Variants in HSPA12A observed in about 807,000 individuals in gnomAD.
HSPA12A encodes the protein heat shock protein family A (Hsp70) member 12A.
In HSPA12A, 28 loss-of-function variants were observed where a neutral mutation model predicts 69.2. The ratio of observed to expected loss-of-function variants is 0.40; its 90% CI spans 0.30 to 0.55. HSPA12A has a LOEUF of 0.55. Among genes scored for constraint, HSPA12A ranks in the 20% least tolerant of loss-of-function variants. The pLI, the probability that HSPA12A is intolerant of heterozygous loss-of-function variation, is 0.38. For synonymous variants in HSPA12A, 345 were observed against 370.5 expected, an observed-to-expected ratio of 0.93 and a Z score of 0.79; for missense variants, 686 against 900.7, an observed-to-expected ratio of 0.76 and a Z score of 3.05.
intron 10 of HSPA12A, 55 bp downstream of exon 10, chr10:116,679,448 C>G: frequency 6.3e-7 from 1 of 1,597,128 alleles, no homozygotes; most frequent in Non-Finnish European, 8.5e-7. Flanking sequence ...TCTCTCCCAT[C>G]AGCACGATCC....
rs556809189 is a variant in HSPA12A at position 116,774,367 on chromosome 10, C to A, written c.91+60568G>T. On this transcript the variant is annotated intron_variant, in intron 2 of 12. Transcript: ENST00000635765. ...CACTCTGCGAGGGTCCCAGGTGATA[C>A]TGCACCAATGCCTAGTTCAGTCCCT... is the stretch of plus-strand genomic sequence containing the variant. Among the ~76,000 whole-genome samples, 4 of 152,310 alleles carry A rather than the reference C, an allele frequency of 2.6e-5. 1 individual carries two copies. The South Asian group carries it at 8.3e-4, about 32-fold the overall frequency.
At chr10:116,815,084 C>T (rs1845270798) in intron 2 of HSPA12A, among the ~76,000 whole-genome samples, 1 of 141,620 alleles carries the variant, frequency 7.1e-6, no homozygotes, top group African/African-American at 2.6e-5. Flanking sequence ...CACGACTTTA[C>T]ATTTATCCCT....
At chr10:116,805,302 A>C (rs537279453) in intron 2 of HSPA12A, among the ~76,000 whole-genome samples, 223 of 152,110 alleles carry the variant, frequency 1.5e-3, no homozygotes, top group African/African-American at 5.1e-3. Flanking sequence ...GGCGACAGAG[A>C]GAGACTCCAT....
intron 2 of HSPA12A, chr10:116,751,229 G>T: frequency 4.5e-6 from 1 of 224,306 alleles, no homozygotes. Flanking sequence ...AGGAAGGTGT[G>T]CTTCCTCAGA....
intron 6 of HSPA12A, among the ~76,000 whole-genome samples, 178 bp from the exon 7 acceptor site, chr10:116,684,140 A>G (rs1399417677): frequency 2.0e-5 from 3 of 152,322 alleles, no homozygotes; most frequent in Admixed American, 1.3e-4. Context: ...CTGGGCCCCA[A>G]GCCAGATACC....
At chr10:116,708,754 AATACACAAAAGAT>A (rs1850336054) in intron 1 of HSPA12A, among the ~76,000 whole-genome samples, 1 of 152,222 alleles carries the variant, frequency 6.6e-6, no homozygotes, top group Admixed American at 6.5e-5. Context: ...CTCCAAAGAA[AATACACAAAAGAT>A]ATATCAACAA....
At chr10:116,770,182 G>A (rs1247880018) in intron 2 of HSPA12A, among the ~76,000 whole-genome samples, 2 of 152,160 alleles carry the variant, frequency 1.3e-5, no homozygotes, top group Admixed American at 6.5e-5. Flanking sequence ...CAGAGAGGGC[G>A]GTGACTTGCC....
At chr10:116,829,773 A>G (rs1845578849) in intron 2 of HSPA12A, 1 of 152,250 alleles carries the variant, frequency 6.6e-6, no homozygotes, top group Non-Finnish European at 1.5e-5. Context: ...AAGCAACAGC[A>G]TAACAGAATC....
chr10:116,801,757 G>A (rs1010894483), intron 2 of HSPA12A, among the ~76,000 whole-genome samples: 3 of 151,758 alleles, frequency 2.0e-5, no homozygotes, highest in South Asian at 2.1e-4. Context: ...AAAAAAAAGC[G>A]CATGTAAAAT....
chr10:116,768,353 G>C (rs571180653), intron 2 of HSPA12A, among the ~76,000 whole-genome samples: 30 of 152,284 alleles, frequency 2.0e-4, no homozygotes, highest in African/African-American at 7.2e-4. Context: ...TGTGGGGAGG[G>C]GGAATAGGAG....
At chr10:116,682,704 A>G (rs1284669234) in intron 7 of HSPA12A, among the ~76,000 whole-genome samples, 1 of 151,754 alleles carries the variant, frequency 6.6e-6, no homozygotes, top group African/African-American at 2.4e-5. Flanking sequence ...CAGTTCCCAC[A>G]ATTTTTTTTT....
chr10:116,850,644 G>T (rs772089485), upstream of HSPA12A, among the ~76,000 whole-genome samples: 5 of 151,928 alleles, frequency 3.3e-5, no homozygotes, highest in African/African-American at 1.2e-4. Flanking sequence ...AAACCACGTC[G>T]TATTGAGGCA....
upstream of HSPA12A, among the ~76,000 whole-genome samples, chr10:116,744,074 C>T (rs1554887610): frequency 6.6e-6 from 1 of 152,192 alleles, no homozygotes; most frequent in African/African-American, 2.4e-5. Context: ...CCACAGCTCC[C>T]CCGCCCTCCT....
Position 116,805,235 on chromosome 10 carries a change from G to C in HSPA12A, c.91+29700C>G, listed in dbSNP as rs182005095. Among the ~76,000 whole-genome samples, 655 of 152,278 alleles carry C rather than the reference G, an allele frequency of 4.3e-3. 4 individuals are homozygous for C. The highest frequency in any genetic ancestry group is 0.015 in the African/African-American group (630 of 41,556). ...GGAGGCTGAGGCAGGAGAATGGCGTGAACCCGGGAGGCGGAGCTTGCAGTG... is the reference window on the plus strand; with the variant it reads ...GGAGGCTGAGGCAGGAGAATGGCGTCAACCCGGGAGGCGGAGCTTGCAGTG... On this transcript the variant is annotated intron_variant, in intron 2 of 12. Transcript: ENST00000635765.
intron 2 of HSPA12A, among the ~76,000 whole-genome samples, chr10:116,773,963 G>C (rs1554890786): frequency 6.6e-6 from 1 of 152,010 alleles, no homozygotes; most frequent in African/African-American, 2.4e-5. Flanking sequence ...CTTTGGTCTT[G>C]AGTGGCATTC....
intron 2 of HSPA12A, among the ~76,000 whole-genome samples, chr10:116,807,459 A>T (rs944648060): frequency 2.4e-4 from 36 of 152,054 alleles, no homozygotes; most frequent in African/African-American, 6.5e-4. Flanking sequence ...CCGTATCCAA[A>T]CATCCTCGAG....
At chr10:116,734,398 C>T (rs1485604426) in intron 1 of HSPA12A, among the ~76,000 whole-genome samples, 3 of 148,178 alleles carry the variant, frequency 2.0e-5, no homozygotes, top group African/African-American at 7.5e-5. Context: ...TGCAGTGAGC[C>T]GAGATCACAC....
At chr10:116,697,211 C>T (rs1385396784) in intron 5 of HSPA12A, among the ~76,000 whole-genome samples, 1 of 152,214 alleles carries the variant, frequency 6.6e-6, no homozygotes, top group Non-Finnish European at 1.5e-5. Flanking sequence ...TCACACAATA[C>T]CAAATGCTTC....
intron 1 of HSPA12A, 92 bp downstream of exon 1, chr10:116,742,338 G>A: frequency 7.8e-7 from 1 of 1,287,860 alleles, no homozygotes; most frequent in Admixed American, 3.8e-5. Flanking sequence ...CTTTTCCACG[G>A]CGCGCGAGGG....
Sources: allele counts gnomAD v4.1 joint callset (sites outside exome capture counted in the v4.1 genomes callset), GRCh38; gene constraint gnomAD v4.1.1; transcripts MANE v1.5; gene names NCBI Gene and HGNC (gene_info 2026-07-23, HGNC 2026-07-21).